The following AKR1A1 variants were observed in gnomAD, a reference collection of about 807,000 sequenced individuals.
AKR1A1 encodes HEL-S-165mP.
Under a neutral mutation model 39.2 loss-of-function variants are expected in AKR1A1, and 26 were observed. The ratio of observed to expected loss-of-function variants is 0.66; its 90% CI spans 0.49 to 0.92. The LOEUF is 0.92. Among genes scored for constraint, AKR1A1 ranks in the 40% least tolerant of loss-of-function variants. The pLI, the probability that AKR1A1 is intolerant of heterozygous loss-of-function variation, is 0.00. For synonymous variants in AKR1A1, 141 were observed against 155.5 expected (o/e 0.91, Z 0.69); for missense variants, 378 against 406.5 (o/e 0.93, Z 0.60).
intron 2 of AKR1A1, among the ~76,000 whole-genome samples, chr1:45,564,095 G>T (rs1422511392): frequency 6.6e-6 from 1 of 152,174 alleles, no homozygotes; most frequent in Non-Finnish European, 1.5e-5. Flanking sequence ...CTTCTATCTG[G>T]GATTTAGACT....
intron 1 of AKR1A1, among the ~76,000 whole-genome samples, chr1:45,556,682 G>A (rs893605522): frequency 6.6e-6 from 1 of 151,818 alleles, no homozygotes; most frequent in African/African-American, 2.4e-5. Context: ...TTCGAGACCA[G>A]CCTGGCCAAT....
intron 1 of AKR1A1, among the ~76,000 whole-genome samples, chr1:45,557,621 C>T (rs1644221697): frequency 6.6e-6 from 1 of 152,156 alleles, no homozygotes; most frequent in Non-Finnish European, 1.5e-5. Context: ...TGCGAGAGGC[C>T]AACAGGTCAT....
intron 2 of AKR1A1, 38 bp downstream of exon 2, chr1:45,561,916 C>T (rs762444168): frequency 8.7e-6 from 14 of 1,602,034 alleles, no homozygotes; most frequent in Admixed American, 1.7e-5. Context: ...CTTGTTGAGC[C>T]TCTGCCTGCA....
chr1:45,559,364 G>A (rs1039540337), intron 1 of AKR1A1, among the ~76,000 whole-genome samples: 19 of 152,230 alleles, frequency 1.2e-4, no homozygotes, highest in African/African-American at 4.6e-4. Context: ...GCTTTGTTTG[G>A]TTGGAAATTT....
chr1:45,567,806 G>A (rs917159219), intron 4 of AKR1A1, 176 bp from the exon 5 acceptor site: 28 of 568,830 alleles, frequency 4.9e-5, no homozygotes, highest in African/African-American at 3.2e-4. Context: ...CAGCCTGGGC[G>A]GTAAAGCGAG....
rs146615601 is a variant in AKR1A1 at position 45,556,226 on chromosome 1, G to GATAATT, written c.-7+5073_-7+5074insAATTAT. 3.0e-3 allele frequency among the ~76,000 whole-genome samples: 463 copies of GATAATT among 152,326 alleles called. 5 individuals are homozygous for GATAATT. The highest frequency in any genetic ancestry group is 0.022 in the East Asian group (114 of 5,188). The stretch of plus-strand genomic sequence containing the variant: ...CATTGAATTGGAAATAATAAAACCT[G>GATAATT]ATTCCTGATAATACCCTCCTCCCCA... On this transcript the variant is annotated intron_variant, in intron 1 of 8. Coordinates refer to ENST00000351829, the MANE Select transcript of AKR1A1 (RefSeq NM_153326.3).
chr1:45,568,290 C>A, intron 5 of AKR1A1, 113 bp downstream of exon 5: 1 of 1,325,912 alleles, frequency 7.5e-7, no homozygotes, highest in Non-Finnish European at 1.0e-6. Flanking sequence ...AGTGTTGGTG[C>A]AGAAGTCCTC....
Position 45,568,414 on chromosome 1 carries a change from A to G in AKR1A1, c.553-71A>G, listed in dbSNP as rs550974406. Reference sequence around the variant, plus strand: ...GTCAGCAATAGGGGGTGGTCCAGACATGCATGTCTGGGATGGGCCAAGCAA... The same window carrying G: ...GTCAGCAATAGGGGGTGGTCCAGACGTGCATGTCTGGGATGGGCCAAGCAA... On this transcript the variant is annotated intron_variant, in intron 5 of 8. Coordinates refer to ENST00000351829, the MANE Select transcript of AKR1A1 (RefSeq NM_153326.3). 2.1e-5 allele frequency: 32 copies of G among 1,541,608 alleles called. No individual in the cohort carries two copies. The Admixed American group carries it at 2.7e-4, about 13-fold the overall frequency.
intron 1 of AKR1A1, among the ~76,000 whole-genome samples, chr1:45,558,820 A>G (rs1264329354): frequency 6.6e-6 from 1 of 151,874 alleles, no homozygotes; most frequent in Admixed American, 6.6e-5. Flanking sequence ...GTGAGCCACC[A>G]CTCCTGGCCA....
intron 7 of AKR1A1, 46 bp downstream of exon 7, chr1:45,569,045 TC>T: frequency 6.2e-7 from 1 of 1,608,114 alleles, no homozygotes. Context: ...TGGGACATTT[TC>T]TTGGCCCTGA....
chr1:45,558,821 C>T (rs556636028), intron 1 of AKR1A1, among the ~76,000 whole-genome samples: 1 of 152,300 alleles, frequency 6.6e-6, no homozygotes, highest in Admixed American at 6.5e-5. Context: ...TGAGCCACCA[C>T]TCCTGGCCAC....
At chr1:45,558,395 A>AT (rs35421063) in intron 1 of AKR1A1, among the ~76,000 whole-genome samples, 1,622 of 119,092 alleles carry the variant, frequency 0.014, 30 homozygotes, top group South Asian at 0.046. Flanking sequence ...CGCCCAGCTA[A>AT]TTTTTTTTTT....
chr1:45,567,263 C>T (rs563535758), intron 4 of AKR1A1: 6 of 480,858 alleles, frequency 1.2e-5, no homozygotes, highest in Admixed American at 7.4e-5. Context: ...CACCTGTAAC[C>T]CTCCTGCTCC....
chr1:45,561,528 C>T (rs1183784898), intron 1 of AKR1A1, among the ~76,000 whole-genome samples: 9 of 152,098 alleles, frequency 5.9e-5, no homozygotes, highest in Non-Finnish European at 8.8e-5. Flanking sequence ...CTCAGCCCCC[C>T]GAGCAGCTGG....
At chr1:45,565,421 C>T (rs549840822) in intron 2 of AKR1A1, among the ~76,000 whole-genome samples, 33 of 151,620 alleles carry the variant, frequency 2.2e-4, no homozygotes, top group African/African-American at 6.3e-4. Context: ...TGAGCCACCG[C>T]GCCTGGCTTT....
intron 1 of AKR1A1, among the ~76,000 whole-genome samples, chr1:45,556,833 C>A (rs144223603): frequency 0.014 from 2,084 of 151,438 alleles, 39 homozygotes; most frequent in African/African-American, 0.045. Flanking sequence ...GCCAAGATTG[C>A]GTCATTGCCC....
At chr1:45,556,092 T>A (rs138762975) in intron 1 of AKR1A1, among the ~76,000 whole-genome samples, 1 of 152,288 alleles carries the variant, frequency 6.6e-6, no homozygotes, top group Non-Finnish European at 1.5e-5. Context: ...GAAACACTCA[T>A]GTAGATATTG....
intron 4 of AKR1A1, 139 bp from the exon 5 acceptor site, chr1:45,567,842 GA>G (rs1312741620): frequency 1.6e-6 from 1 of 615,708 alleles, no homozygotes; most frequent in Non-Finnish European, 2.6e-6. Context: ...AAAAAAAAAA[GA>G]AAAAGCATGG....
intron 1 of AKR1A1, among the ~76,000 whole-genome samples, chr1:45,555,870 C>T (rs180698728): frequency 1.3e-5 from 2 of 152,032 alleles, no homozygotes; most frequent in Non-Finnish European, 1.5e-5. Context: ...TTGGACATGG[C>T]GAATCTCAGA....
Sources: allele counts gnomAD v4.1 joint callset (sites outside exome capture counted in the v4.1 genomes callset), GRCh38; gene constraint gnomAD v4.1.1; transcripts MANE v1.5; gene names NCBI Gene and HGNC (gene_info 2026-07-23, HGNC 2026-07-21).